SNX9: variants seen among roughly 807,000 people sequenced by gnomAD.
The protein encoded by SNX9 is sorting nexin-9.
SNX9 carries 44 observed loss-of-function variants against 89.4 expected under a neutral mutation model. The observed-to-expected ratio is 0.49, with a 90% CI of 0.39 to 0.63. SNX9 has a LOEUF of 0.63. Ranked by LOEUF, SNX9 falls within the 30% of genes least tolerant of loss-of-function variation. The pLI, the probability that SNX9 is intolerant of heterozygous loss-of-function variation, is 0.00. For synonymous variants in SNX9, 236 were observed against 247.8 expected (o/e 0.95, Z 0.45); for missense variants, 578 against 736.1 (o/e 0.79, Z 2.49).
intron 1 of SNX9, among the ~76,000 whole-genome samples, chr6:157,847,864 T>G (rs1781834410): frequency 6.6e-6 from 1 of 152,226 alleles, no homozygotes; most frequent in South Asian, 2.1e-4. Flanking sequence ...GGTATTAATT[T>G]TTATAACTCT....
At chr6:157,860,983 A>G (rs1209768990) in intron 1 of SNX9, among the ~76,000 whole-genome samples, 2 of 152,196 alleles carry the variant, frequency 1.3e-5, no homozygotes, top group South Asian at 2.1e-4. Context: ...CTAATTGACC[A>G]TCAGTTTAAA....
chr6:157,915,640 A>AAATATATATATATATATATAT (rs1472422303), intron 9 of SNX9, among the ~76,000 whole-genome samples: 13 of 95,138 alleles, frequency 1.4e-4, no homozygotes, highest in African/African-American at 4.2e-4. Flanking sequence ...AAAAAAAAAA[A>AAATATATATATATATATATAT]ATATATATAT....
Position 157,823,441 on chromosome 6 carries a change from A to T in SNX9, c.7A>T (p.Thr3Ser). 1 of 1,236,644 alleles carries T rather than the reference A, an allele frequency of 8.1e-7. No homozygotes were observed. Among genetic ancestry groups the T allele is most frequent in the African/African-American group, 1.6e-5 (1 of 61,816 alleles). The allele number at this position is 1,236,644 out of a possible 1,614,324, so 76.6% of individuals were successfully genotyped here. A position where few individuals can be genotyped will look rare whatever the true frequency, so the allele number is the denominator to read the frequency against. Residue 3 changes from threonine to serine, a missense_variant, in exon 1 of 18, where the codon ACC (threonine) becomes TCC (serine). Transcript: ENST00000392185. The surrounding 1 kb of genome is among the most constrained non-coding windows in gnomAD (Gnocchi z 4.6). ...GCCGGGGGACCCGCCCGCCATGGCC[A>T]CCAAGGTGAGGGGCGCGCGGCGCAG... MA[T>S]KARVMYDFAA...
intron 13 of SNX9, among the ~76,000 whole-genome samples, chr6:157,933,552 T>C (rs965333309): frequency 6.6e-6 from 1 of 152,214 alleles, no homozygotes; most frequent in African/African-American, 2.4e-5. Context: ...TTGACACTTT[T>C]AGACCAGAAG....
rs558384456 is a variant in SNX9, at chr6:157,847,127, G to A, written c.13-20420G>A. On this transcript the variant is annotated intron_variant, in intron 1 of 17. Transcript: ENST00000392185. ...TCTGCAGGTTTTTGTTTTTGAGACAGGGTCTGGCTCTGTCTCCCAAGCTAG... is the reference window on the plus strand; with the variant it reads ...TCTGCAGGTTTTTGTTTTTGAGACAAGGTCTGGCTCTGTCTCCCAAGCTAG... 2.0e-5 allele frequency among the ~76,000 whole-genome samples: 3 copies of A among 152,232 alleles called. No individual in the cohort carries two copies. The South Asian group carries it at 6.2e-4, about 32-fold the overall frequency.
At chr6:157,900,390 A>G (rs1783070708) in intron 5 of SNX9, among the ~76,000 whole-genome samples, 1 of 152,182 alleles carries the variant, frequency 6.6e-6, no homozygotes, top group African/African-American at 2.4e-5. Context: ...ATGGCTCGCA[A>G]ATATTTTCTC....
chr6:157,883,256 T>C (rs1321176481), intron 4 of SNX9, among the ~76,000 whole-genome samples: 1 of 152,242 alleles, frequency 6.6e-6, no homozygotes, highest in Non-Finnish European at 1.5e-5. Context: ...CGCACACTTA[T>C]ACGGTATAGT....
intron 1 of SNX9, among the ~76,000 whole-genome samples, chr6:157,826,190 G>C (rs1347463590): frequency 6.6e-6 from 1 of 152,136 alleles, no homozygotes; most frequent in East Asian, 1.9e-4. Context: ...TAGTTTGACA[G>C]TCCTTCACTG....
chr6:157,928,671 G>A lies in SNX9; in HGVS notation c.1257G>A (p.Val419=), dbSNP rs1444626889. 6.2e-7 allele frequency: 1 copy of A among 1,609,566 alleles called. No individual in the cohort carries two copies. The highest frequency in any genetic ancestry group is 8.5e-7 in the Non-Finnish European group (1 of 1,178,140). Residue 419 remains valine, a synonymous_variant, in exon 12 of 18, where the codon GTG becomes GTA. Transcript: ENST00000392185. The part of the protein sequence containing the change: ...MDDGVKELLT[V]GQEHWKRCTG... The stretch of plus-strand genomic sequence containing the variant: ...ACGGCGTGAAGGAGCTGCTGACGGT[G>A]GGGCAGGAGCACTGGAAGCGCTGCA...
chr6:157,928,854 C>T (rs747034339), intron 12 of SNX9, 152 bp downstream of exon 12: 1 of 564,404 alleles, frequency 1.8e-6, no homozygotes, highest in Non-Finnish European at 2.9e-6. Context: ...CTTGATCTCA[C>T]TTCACCTGAG....
chr6:157,844,589 T>TTTTTTTTTTC (rs1781765653), intron 1 of SNX9, among the ~76,000 whole-genome samples: 1 of 142,096 alleles, frequency 7.0e-6, no homozygotes, highest in African/African-American at 2.8e-5. Context: ...TAATCCTTGT[T>TTTTTTTTTTC]TTTTTTTTTT....
intron 2 of SNX9, among the ~76,000 whole-genome samples, chr6:157,871,982 AAAATAGCAACTTGTCCTCAAGTTGCT>A (rs1038761787): frequency 1.3e-5 from 2 of 152,004 alleles, no homozygotes; most frequent in African/African-American, 4.8e-5. Flanking sequence ...TTTTCTTGGT[AAAATAGCAACTTGTCCTCAAGTTGCT>A]ATTGTGGTCA....
At position 157,902,047 on chromosome 6, in the gene SNX9, T is replaced by C; in HGVS notation, c.620+2T>C. The C allele has an allele frequency of 6.2e-7, 1 of 1,613,468 alleles. No individual in the cohort carries two copies. Among genetic ancestry groups the C allele is most frequent in the Non-Finnish European group, 8.5e-7 (1 of 1,179,784 alleles). ...ATCCATGAAAATTCCCCTTAACAAGTAAGTTTAAAGGGGAGCCAGGGAACC... is the reference window on the plus strand; with the variant it reads ...ATCCATGAAAATTCCCCTTAACAAGCAAGTTTAAAGGGGAGCCAGGGAACC... On this transcript the variant is annotated splice_donor_variant, in intron 6 of 17. Coordinates refer to ENST00000392185, the MANE Select transcript of SNX9 (RefSeq NM_016224.5). LOFTEE classifies it high-confidence loss of function.
At chr6:157,869,896 T>C (rs1044269601) in intron 2 of SNX9, among the ~76,000 whole-genome samples, 2 of 151,850 alleles carry the variant, frequency 1.3e-5, no homozygotes, top group African/African-American at 2.4e-5. Context: ...TGCACACACA[T>C]GCGCACACAC....
intron 9 of SNX9, among the ~76,000 whole-genome samples, chr6:157,916,021 G>T (rs1562617245): frequency 1.3e-5 from 2 of 150,386 alleles, no homozygotes; most frequent in African/African-American, 4.9e-5. Context: ...GGATTCTTTG[G>T]TTTTTTTGTC....
At chr6:157,911,307 A>ATGAGCATC (rs1783338441) in intron 9 of SNX9, among the ~76,000 whole-genome samples, 1 of 152,164 alleles carries the variant, frequency 6.6e-6, no homozygotes, top group African/African-American at 2.4e-5. Context: ...AGACACTGAG[A>ATGAGCATC]TGCTCACCTG....
intron 1 of SNX9, among the ~76,000 whole-genome samples, chr6:157,860,038 G>A (rs2115128585): frequency 6.6e-6 from 1 of 152,270 alleles, no homozygotes; most frequent in East Asian, 1.9e-4. Flanking sequence ...ATTGTCTGTG[G>A]TGGCTTTTGC....
intron 1 of SNX9, among the ~76,000 whole-genome samples, chr6:157,846,207 AT>A (rs1456761649): frequency 6.6e-6 from 1 of 152,182 alleles, no homozygotes; most frequent in Non-Finnish European, 1.5e-5. Context: ...TCATTCTTCC[AT>A]TTTTATGTAA....
Position 157,823,495 on chromosome 6 carries a change from G to GCGCGGAGAGGGTCGGGGCCGGGGC in SNX9, c.12+55_12+78dup. ...GGGCCGGTCGCTCAGGCCCGGGGCGGCGCGGAGAGGGTCGGGGCCGGGGCC... is the reference window on the plus strand; with the variant it reads ...GGGCCGGTCGCTCAGGCCCGGGGCGGCGCGGAGAGGGTCGGGGCCGGGGCCGCGGAGAGGGTCGGGGCCGGGGCC... On this transcript the variant is annotated intron_variant, in intron 1 of 17. Coordinates refer to ENST00000392185, the MANE Select transcript of SNX9 (RefSeq NM_016224.5). This position sits in a 1 kb window ranked among gnomAD's most constrained non-coding sequence, Gnocchi z 4.6. 8.5e-7 allele frequency: 1 copy of GCGCGGAGAGGGTCGGGGCCGGGGC among 1,170,722 alleles called. No individual in the cohort carries two copies. The highest frequency in any genetic ancestry group is 1.1e-6 in the Non-Finnish European group (1 of 949,906). The allele number at this position is 1,170,722 out of a possible 1,614,324, so 72.5% of individuals were successfully genotyped here. A position where few individuals can be genotyped will look rare whatever the true frequency, so the allele number is the denominator to read the frequency against.
Sources: allele counts gnomAD v4.1 joint callset (sites outside exome capture counted in the v4.1 genomes callset), GRCh38; gene constraint gnomAD v4.1.1; non-coding constraint Gnocchi (gnomAD v3.1); transcripts MANE v1.5; gene names NCBI Gene and HGNC (gene_info 2026-07-23, HGNC 2026-07-21).